Variants in CALN1 observed in about 807,000 individuals in gnomAD.
The protein encoded by CALN1 is calneuron 1.
In CALN1, 17 loss-of-function variants were observed where a neutral mutation model predicts 30.6. The ratio of observed to expected loss-of-function variants is 0.56; its 90% CI spans 0.38 to 0.83. CALN1 has a LOEUF of 0.83. Ranked by LOEUF, CALN1 falls within the 40% of genes least tolerant of loss-of-function variation. The pLI, the probability that CALN1 is intolerant of heterozygous loss-of-function variation, is 0.00. For missense variants in CALN1, 291 were observed against 354.9 expected, an observed-to-expected ratio of 0.82 and a Z score of 1.45; for synonymous variants, 156 against 131.4, an observed-to-expected ratio of 1.19 and a Z score of -1.28.
intron 3 of CALN1, among the ~76,000 whole-genome samples, chr7:72,212,895 T>G (rs1036112804): frequency 6.6e-6 from 1 of 152,202 alleles, no homozygotes; most frequent in Non-Finnish European, 1.5e-5. Context: ...GCAAAATACC[T>G]TAACACAAAA....
At chr7:72,141,522 C>A (rs1349465941) in intron 3 of CALN1, among the ~76,000 whole-genome samples, 1 of 152,162 alleles carries the variant, frequency 6.6e-6, no homozygotes. Context: ...CCAAAACAAC[C>A]TTTTGTGTCC....
chr7:71,969,316 C>A lies in CALN1; in HGVS notation c.501+54341G>T, dbSNP rs183375426. Among the ~76,000 whole-genome samples, 312 of 152,256 alleles carry A rather than the reference C, an allele frequency of 2.0e-3. 1 individual carries two copies. Among genetic ancestry groups the A allele is most frequent in the African/African-American group, 6.8e-3 (283 of 41,558 alleles). On this transcript the variant is annotated intron_variant, in intron 5 of 6. Coordinates refer to ENST00000395275, the MANE Select transcript of CALN1 (RefSeq NM_031468.4). ...TCTGACATGCATTCTCGGTATTAAC[C>A]TTCTCCTCAGCATCATCTTACTTTC...
chr7:71,806,755 A>C (rs1039323941), intron 6 of CALN1, among the ~76,000 whole-genome samples: 1 of 152,178 alleles, frequency 6.6e-6, no homozygotes, highest in Non-Finnish European at 1.5e-5. Context: ...CAAAGAATGC[A>C]GTTTCCACAT....
intron 3 of CALN1, among the ~76,000 whole-genome samples, chr7:72,166,720 T>C (rs1788549568): frequency 1.3e-5 from 2 of 152,210 alleles, no homozygotes; most frequent in Admixed American, 6.5e-5. Flanking sequence ...GATCAGAGTT[T>C]ACTTGTTGGC....
the CALN1 span, among the ~76,000 whole-genome samples, chr7:72,467,485 C>T: frequency 6.6e-6 from 1 of 152,144 alleles, no homozygotes; most frequent in Admixed American, 6.5e-5. Flanking sequence ...CGGAGAGAGC[C>T]TTATAAAACC....
intron 5 of CALN1, among the ~76,000 whole-genome samples, chr7:71,887,365 G>A (rs932039186): frequency 1.3e-5 from 2 of 152,140 alleles, no homozygotes; most frequent in South Asian, 2.1e-4. Context: ...GTACAATCTC[G>A]GCTTACCGCA....
chr7:72,365,476 G>C, intron 2 of CALN1, among the ~76,000 whole-genome samples: 1 of 152,086 alleles, frequency 6.6e-6, no homozygotes, highest in Non-Finnish European at 1.5e-5. Context: ...ATAGGGTCTG[G>C]CTTTTGTCAC....
intron 2 of CALN1, among the ~76,000 whole-genome samples, chr7:72,289,700 T>A (rs1798341692): frequency 6.6e-6 from 1 of 152,134 alleles, no homozygotes; most frequent in Non-Finnish European, 1.5e-5. Context: ...CAAATAATAG[T>A]AAAATGTAGC....
chr7:72,049,809 ATTTCTTT>A (rs754705230), intron 4 of CALN1, among the ~76,000 whole-genome samples: 1 of 90,554 alleles, frequency 1.1e-5, no homozygotes, highest in African/African-American at 5.6e-5. Context: ...GGCCAAGTCT[ATTTCTTT>A]TTTTTTTTTT....
At chr7:72,403,577 A>G (rs939166245) in intron 1 of CALN1, 135 bp from the exon 2 acceptor site, 2 of 455,826 alleles carry the variant, frequency 4.4e-6, no homozygotes, top group African/African-American at 3.9e-5. Context: ...ATCCTGGCAC[A>G]AGAAATATAA....
chr7:72,489,100 C>T, the CALN1 span, among the ~76,000 whole-genome samples: 1 of 152,124 alleles, frequency 6.6e-6, no homozygotes, highest in South Asian at 2.1e-4. Context: ...TCCGCCAACC[C>T]TCCACCCATG....
intron 2 of CALN1, among the ~76,000 whole-genome samples, chr7:72,296,297 T>C (rs1379597463): frequency 6.8e-6 from 1 of 146,126 alleles, no homozygotes; most frequent in Non-Finnish European, 1.5e-5. Context: ...GCATCAATGT[T>C]CATCAAGGAT....
At chr7:72,257,858 C>A (rs2129552563) in intron 3 of CALN1, among the ~76,000 whole-genome samples, 1 of 152,242 alleles carries the variant, frequency 6.6e-6, no homozygotes, top group South Asian at 2.1e-4. Flanking sequence ...AGTGAAGTAA[C>A]TCAGGAAGGG....
chr7:72,176,515 T>C (rs1394112161), intron 3 of CALN1, among the ~76,000 whole-genome samples: 1 of 152,098 alleles, frequency 6.6e-6, no homozygotes, highest in Admixed American at 6.5e-5. Flanking sequence ...AAAAAGTCTG[T>C]GGCACCTCCT....
chr7:72,330,257 C>T (rs181759854), intron 2 of CALN1, among the ~76,000 whole-genome samples: 1 of 152,126 alleles, frequency 6.6e-6, no homozygotes, highest in African/African-American at 2.4e-5. Flanking sequence ...CATGCCACTG[C>T]ACTCCAGCCT....
chr7:72,494,256 G>T, the CALN1 span, among the ~76,000 whole-genome samples: 1 of 152,150 alleles, frequency 6.6e-6, no homozygotes, highest in African/African-American at 2.4e-5. Context: ...GTGCATTCGG[G>T]GATGCACAAC....
chr7:72,403,067 G>C (rs944957479), intron 2 of CALN1, among the ~76,000 whole-genome samples, 184 bp downstream of exon 2: 2 of 152,090 alleles, frequency 1.3e-5, no homozygotes, highest in Non-Finnish European at 2.9e-5. Context: ...ATCTCAAATA[G>C]GCTCAAGAAA....
intron 5 of CALN1, among the ~76,000 whole-genome samples, chr7:71,893,450 G>A (rs570905235): frequency 3.5e-4 from 54 of 152,266 alleles, no homozygotes; most frequent in African/African-American, 1.3e-3. Context: ...ACTTTGGGGG[G>A]CCGAGGCAAG....
intron 3 of CALN1, among the ~76,000 whole-genome samples, chr7:72,129,327 G>C (rs1351432657): frequency 6.6e-6 from 1 of 152,064 alleles, no homozygotes; most frequent in African/African-American, 2.4e-5. Flanking sequence ...AATTTATACT[G>C]GTTATAAATG....
Sources: allele counts gnomAD v4.1 joint callset (sites outside exome capture counted in the v4.1 genomes callset), GRCh38; gene constraint gnomAD v4.1.1; transcripts MANE v1.5; gene names NCBI Gene and HGNC (gene_info 2026-07-23, HGNC 2026-07-21).